Variants in TUBGCP6 observed in about 807,000 individuals in gnomAD.
TUBGCP6 encodes the protein gamma-tubulin complex component 6.
In TUBGCP6, 161 loss-of-function variants were observed where a neutral mutation model predicts 175.8. That is an observed-to-expected ratio of 0.92 (90% CI 0.81 to 1.04). The LOEUF (loss-of-function observed/expected upper bound fraction) is 1.04. TUBGCP6 is among the 50% of genes least tolerant of loss of function. The probability of loss-of-function intolerance (pLI) is 0.00; values close to 1 mark genes in which losing one functional copy is unlikely to be tolerated. For missense variants in TUBGCP6, 2,572 were observed against 2,433.0 expected, an observed-to-expected ratio of 1.06 and a Z score of -1.20; for synonymous variants, 1,173 against 1,030.5, an observed-to-expected ratio of 1.14 and a Z score of -2.65.
At position 50,221,453 on chromosome 22, in the gene TUBGCP6, G is replaced by A. The variant is rs1332141060; in HGVS notation, c.2906C>T (p.Pro969Leu). The A allele has an allele frequency of 1.3e-6, 2 of 1,595,402 alleles. No homozygotes were observed. Among genetic ancestry groups the A allele is most frequent in the African/African-American group, 2.7e-5 (2 of 74,728 alleles). Reference sequence around the variant, plus strand: ...CAAGCTGCACTCTGCAGCCTGCAGGGGCCCTGGTGCAGGTGAGGTGGCCAC... The same window carrying A: ...CAAGCTGCACTCTGCAGCCTGCAGGAGCCCTGGTGCAGGTGAGGTGGCCAC... ...PAVATSPAPG[P>L]LQAAECSLGS... The change falls in exon 16 of 25, where the codon CCC (proline) becomes CTC (leucine). Residue 969 changes from proline (P) to leucine (L), a missense_variant. Pro to Leu is a moderately conservative substitution (Grantham distance 98). Transcript: ENST00000248846.
In TUBGCP6 at chr22:50,217,840, G is replaced by A. The variant is rs202182732; in HGVS notation, c.5369-13C>T. On this transcript the variant is annotated splice_polypyrimidine_tract_variant and intron_variant, in intron 24 of 24. Transcript: ENST00000248846. Reference sequence around the variant, plus strand: ...AGCTTGGTCACCACTGGGGACCAGCGAGCAGCTCAGGCTTTTGCCCACAGT... The same window carrying A: ...AGCTTGGTCACCACTGGGGACCAGCAAGCAGCTCAGGCTTTTGCCCACAGT... 1.9e-4 allele frequency: 311 copies of A among 1,613,234 alleles called. No homozygotes were observed. The East Asian group carries it at 6.5e-3, about 34-fold the overall frequency.
chr22:50,220,174 A>G (rs1488884230), intron 16 of TUBGCP6, 77 bp downstream of exon 16: 3 of 1,546,184 alleles, frequency 1.9e-6, no homozygotes, highest in South Asian at 1.2e-5. Flanking sequence ...CATGCCACCA[A>G]CCCCACTGCC....
chr22:50,220,865 G>A lies in TUBGCP6; in HGVS notation c.3494C>T (p.Ser1165Phe). 1 of 1,612,284 alleles carries A rather than the reference G, an allele frequency of 6.2e-7. No individual in the cohort carries two copies. The highest frequency in any genetic ancestry group is 8.5e-7 in the Non-Finnish European group (1 of 1,179,428). ...RPRWNTHGHV[S>F]DASISLGESV... ...CTCCCCCAAGCTGATGCTGGCATCG[G>A]ACACGTGTCCATGGGTGTTCCACCG... is the stretch of plus-strand genomic sequence containing the variant. Residue 1165 changes from serine (S) to phenylalanine (F), a missense_variant, in exon 16 of 25, where the codon TCC becomes TTC. By Grantham distance (155) the Ser-to-Phe change is radical. Coordinates refer to ENST00000248846, the MANE Select transcript of TUBGCP6 (RefSeq NM_020461.4).
chr22:50,233,203 C>T (rs1025625481), intron 3 of TUBGCP6, 113 bp downstream of exon 3: 122 of 1,274,564 alleles, frequency 9.6e-5, no homozygotes, highest in Non-Finnish European at 1.3e-4. Context: ...GCCTTCCCTG[C>T]CACTCCCCAC....
Position 50,221,450 on chromosome 22 carries a change from AG to A in TUBGCP6, c.2908del (p.Leu970CysfsTer74), listed in dbSNP as rs1335269024. The A allele has an allele frequency of 1.9e-6, 3 of 1,595,896 alleles. No homozygotes were observed. Among genetic ancestry groups the A allele is most frequent in the Admixed American group, 3.5e-5 (2 of 57,612 alleles). On this transcript the variant is annotated frameshift_variant, in exon 16 of 25. Coordinates refer to ENST00000248846, the MANE Select transcript of TUBGCP6 (RefSeq NM_020461.4). LOFTEE classifies it high-confidence loss of function. ...AVATSPAPGP[L>X]QAAECSLGSS... Reference sequence around the variant, plus strand: ...GCCCAAGCTGCACTCTGCAGCCTGCAGGGGCCCTGGTGCAGGTGAGGTGGCC... The same window carrying A: ...GCCCAAGCTGCACTCTGCAGCCTGCAGGGCCCTGGTGCAGGTGAGGTGGCC...
In TUBGCP6 at chr22:50,229,298, G is replaced by C. The variant is rs1056535157; in HGVS notation, c.1290+106C>G. 39 of 1,279,580 alleles carry C rather than the reference G, an allele frequency of 3.0e-5. No individual in the cohort carries two copies. In the Admixed American group the frequency reaches 8.9e-4, roughly 29 times the overall value. 79.3% of individuals were successfully genotyped at this position (1,279,580 alleles called of 1,614,324 possible). ...TTCAGATGTTAGCAAGGAAAGAAAAGGTTTAGACTCTCTGGTCCTGCAGAA... is the reference window on the plus strand; with the variant it reads ...TTCAGATGTTAGCAAGGAAAGAAAACGTTTAGACTCTCTGGTCCTGCAGAA... On this transcript the variant is annotated intron_variant, in intron 4 of 24. Transcript: ENST00000248846.
At chr22:50,235,696 CTT>C (rs1219415748) in intron 2 of TUBGCP6, among the ~76,000 whole-genome samples, 2 of 152,206 alleles carry the variant, frequency 1.3e-5, no homozygotes, top group Non-Finnish European at 2.9e-5. Context: ...AATCCCAACA[CTT>C]TGGGAGGCCA....
At chr22:50,228,116 C>G in intron 4 of TUBGCP6, 88 bp from the exon 5 acceptor site, 1 of 1,395,884 alleles carries the variant, frequency 7.2e-7, no homozygotes, top group Non-Finnish European at 9.4e-7. Context: ...CTGGGAACAG[C>G]GCTTTGTTTC....
Position 50,222,427 on chromosome 22 carries a change from A to G in TUBGCP6, c.2409+27T>C, listed in dbSNP as rs745639370. On this transcript the variant is annotated intron_variant, in intron 14 of 24. Transcript: ENST00000248846. ...CCAGACCCCCAAAGCCCAGGGGAAG[A>G]GCTGCCATCTGAAGCCGCAGACATA... 5 of 1,612,100 alleles carry G rather than the reference A, an allele frequency of 3.1e-6. No individual in the cohort carries two copies. In the Admixed American group the frequency reaches 5.0e-5, roughly 16 times the overall value.
Position 50,244,863 on chromosome 22 carries a change from G to A in TUBGCP6, c.-404C>T, listed in dbSNP as rs529537144. On this transcript the variant is annotated 5_prime_UTR_variant, in exon 1 of 25. Transcript: ENST00000248846. ...CACGAGAGGAGACGGCCAGGAGAGG[G>A]TGCCACTCCGAGGGTCGTGGGCAGC... The A allele has an allele frequency of 6.9e-5, 15 of 218,682 alleles. No homozygotes were observed. Among genetic ancestry groups the A allele is most frequent in the African/African-American group, 3.3e-4 (14 of 42,608 alleles). The allele number at this position is 218,682 out of a possible 1,614,324, so 13.5% of individuals were successfully genotyped here.
intron 2 of TUBGCP6, among the ~76,000 whole-genome samples, chr22:50,235,513 G>C (rs2064766692): frequency 6.6e-6 from 1 of 152,260 alleles, no homozygotes; most frequent in African/African-American, 2.4e-5. Context: ...GCCGTGTGGA[G>C]TGCAATGAGC....
At chr22:50,220,051 C>G in intron 16 of TUBGCP6, 36 bp from the exon 17 acceptor site, 1 of 1,608,462 alleles carries the variant, frequency 6.2e-7, no homozygotes, top group South Asian at 1.1e-5. Flanking sequence ...GGCATCAGGG[C>G]CGAGTGCCTG....
At chr22:50,230,867 T>G (rs1192760168) in intron 3 of TUBGCP6, among the ~76,000 whole-genome samples, 1 of 150,968 alleles carries the variant, frequency 6.6e-6, no homozygotes, top group Admixed American at 6.6e-5. Flanking sequence ...GCGGATCACT[T>G]GAGGTCAGGG....
rs2147177638 is a variant in TUBGCP6, at chr22:50,220,629, G to A, written c.3730C>T (p.His1244Tyr). The change falls in exon 16 of 25, where the codon CAC becomes TAC. Residue 1244 changes from histidine to tyrosine, a missense_variant. His to Tyr is a moderately conservative substitution (Grantham distance 83, BLOSUM62 2). Coordinates refer to ENST00000248846, the MANE Select transcript of TUBGCP6 (RefSeq NM_020461.4). ...PIRSRCNTHG[H>Y]VSDASISLGE... ...AAGCTGATGCTGGCGTCGGACACGT[G>A]TCCATGGGTGTTGCACCGTGACCGG... 4.3e-6 allele frequency: 7 copies of A among 1,610,810 alleles called. No homozygotes were observed. Among genetic ancestry groups the A allele is most frequent in the African/African-American group, 1.3e-5 (1 of 74,858 alleles).
At position 50,218,430 on chromosome 22, in the gene TUBGCP6, G is replaced by C. The variant is rs528219246; in HGVS notation, c.4955-28C>G. ...GGCGGAGGGCAGAAGGCAGAGGGCAGAGGTGAGCGCAGCCTCCAGCCAGGG... is the reference window on the plus strand; with the variant it reads ...GGCGGAGGGCAGAAGGCAGAGGGCACAGGTGAGCGCAGCCTCCAGCCAGGG... On this transcript the variant is annotated intron_variant, in intron 22 of 24. Transcript: ENST00000248846. 63 of 1,612,940 alleles carry C rather than the reference G, an allele frequency of 3.9e-5. No individual in the cohort carries two copies. In the Admixed American group the frequency reaches 4.5e-4, roughly 12 times the overall value.
chr22:50,233,699 G>A (rs1051441218), intron 2 of TUBGCP6, among the ~76,000 whole-genome samples, 173 bp from the exon 3 acceptor site: 2 of 152,110 alleles, frequency 1.3e-5, no homozygotes, highest in African/African-American at 4.8e-5. Flanking sequence ...GCCTTTTGTG[G>A]ATGCTGCTGC....
chr22:50,232,456 C>T (rs879597998), intron 3 of TUBGCP6, among the ~76,000 whole-genome samples: 16 of 151,614 alleles, frequency 1.1e-4, no homozygotes, highest in Non-Finnish European at 1.8e-4. Flanking sequence ...TACATGGAGG[C>T]TAAGGTGGGA....
In TUBGCP6 at chr22:50,231,181, A is replaced by G. The variant is rs531753596; in HGVS notation, c.1117-1604T>C. 7.2e-5 allele frequency among the ~76,000 whole-genome samples: 11 copies of G among 152,084 alleles called. No homozygotes were observed. In the East Asian group the frequency reaches 1.9e-3, roughly 27 times the overall value. The stretch of plus-strand genomic sequence containing the variant: ...AATAAATACAGAGTAGGCCAAGCAC[A>G]GTGGCTCACACCTGTAACACCAACA... On this transcript the variant is annotated intron_variant, in intron 3 of 24. Transcript: ENST00000248846.
At position 50,240,313 on chromosome 22, in the gene TUBGCP6, A is replaced by G; in HGVS notation, c.796T>C (p.Leu266=). The G allele has an allele frequency of 6.2e-7, 1 of 1,613,952 alleles. No individual in the cohort carries two copies. The part of the protein sequence containing the change: ...EDEGFQSASN[L]TPDSQSEPSV... Reference sequence around the variant, plus strand: ...GGCTCAGACTGGGAATCAGGAGTCAAGTTGGACGCTGACTGGAATCCTTCG... The same window carrying G: ...GGCTCAGACTGGGAATCAGGAGTCAGGTTGGACGCTGACTGGAATCCTTCG... Residue 266 remains leucine, a synonymous_variant, in exon 2 of 25, where the codon TTG becomes CTG. Coordinates refer to ENST00000248846, the MANE Select transcript of TUBGCP6 (RefSeq NM_020461.4).
Sources: gnomAD v4.1 joint callset for allele counts (sites outside exome capture counted in the v4.1 genomes callset) on GRCh38, gnomAD v4.1.1 for gene constraint, MANE v1.5 for transcripts, NCBI Gene and HGNC (gene_info 2026-07-23, HGNC 2026-07-21) for gene names.